Variants in HERPUD2 observed in about 807,000 individuals in gnomAD.
HERPUD2 encodes homocysteine-responsive endoplasmic reticulum-resident ubiquitin-like domain member 2 protein.
In HERPUD2, 13 loss-of-function variants were observed where a neutral mutation model predicts 49.9. That is an observed-to-expected ratio of 0.26 (90% CI 0.17 to 0.41). HERPUD2 has a LOEUF of 0.41. Ranked by LOEUF, HERPUD2 falls within the 10% of genes least tolerant of loss-of-function variation. The probability of loss-of-function intolerance (pLI) is 1.00; values close to 1 mark genes in which losing one functional copy is unlikely to be tolerated. For missense variants in HERPUD2, 449 were observed against 492.2 expected, an observed-to-expected ratio of 0.91 and a Z score of 0.83; for synonymous variants, 172 against 171.4, an observed-to-expected ratio of 1.00 and a Z score of -0.03.
chr7:35,643,782 T>C (rs1785004986), intron 5 of HERPUD2, among the ~76,000 whole-genome samples: 1 of 151,356 alleles, frequency 6.6e-6, no homozygotes, highest in Non-Finnish European at 1.5e-5. Flanking sequence ...ACACTAATAA[T>C]GTTTTATGTA....
At position 35,694,525 on chromosome 7, in the gene HERPUD2, C is replaced by A; in HGVS notation, c.-195G>T. The A allele has an allele frequency of 1.7e-6, 1 of 603,798 alleles. No individual in the cohort carries two copies. The highest frequency in any genetic ancestry group is 2.9e-6 in the Non-Finnish European group (1 of 345,896). The allele number at this position is 603,798 out of a possible 1,614,324, so 37.4% of individuals were successfully genotyped here. On this transcript the variant is annotated 5_prime_UTR_variant, in exon 2 of 9. Transcript: ENST00000311350. ...GGATGGACTGAGGTGGTGGCGACTGCGACGGTGGGGTCTGGGTGCCCGGCC... is the reference window on the plus strand; with the variant it reads ...GGATGGACTGAGGTGGTGGCGACTGAGACGGTGGGGTCTGGGTGCCCGGCC...
intron 2 of HERPUD2, among the ~76,000 whole-genome samples, chr7:35,677,145 G>C (rs939025954): frequency 4.6e-5 from 7 of 152,092 alleles, no homozygotes; most frequent in African/African-American, 1.2e-4. Context: ...ATTTTGGATT[G>C]CCCTTACAAT....
At chr7:35,636,909 G>A in intron 6 of HERPUD2, among the ~76,000 whole-genome samples, 1 of 152,116 alleles carries the variant, frequency 6.6e-6, no homozygotes, top group East Asian at 1.9e-4. Context: ...CAGGCAGATG[G>A]ATCCCTTGAG....
At chr7:35,668,133 T>C (rs1785575238) in intron 4 of HERPUD2, among the ~76,000 whole-genome samples, 1 of 152,200 alleles carries the variant, frequency 6.6e-6, no homozygotes, top group Admixed American at 6.5e-5. Context: ...ACAAGAGTTA[T>C]AACCTTAAAG....
At chr7:35,688,172 T>C (rs750874525) in intron 2 of HERPUD2, among the ~76,000 whole-genome samples, 6 of 152,138 alleles carry the variant, frequency 3.9e-5, no homozygotes, top group Non-Finnish European at 8.8e-5. Flanking sequence ...CAAAATATCA[T>C]TTCTGTGGGA....
chr7:35,693,029 G>A (rs1221114248), intron 2 of HERPUD2, among the ~76,000 whole-genome samples: 1 of 152,140 alleles, frequency 6.6e-6, no homozygotes, highest in Non-Finnish European at 1.5e-5. Flanking sequence ...AATAAAAAAT[G>A]TATACAGTGG....
chr7:35,687,503 ACT>A (rs1364158390), intron 2 of HERPUD2, among the ~76,000 whole-genome samples: 6 of 152,222 alleles, frequency 3.9e-5, no homozygotes, highest in African/African-American at 1.4e-4. Flanking sequence ...ATCCTGATGT[ACT>A]CTGAGTGGCC....
chr7:35,691,438 A>G (rs1403647188), intron 2 of HERPUD2, among the ~76,000 whole-genome samples: 2 of 152,190 alleles, frequency 1.3e-5, no homozygotes, highest in Non-Finnish European at 1.5e-5. Context: ...ATTTTCCTAG[A>G]AGCCACTGCC....
intron 5 of HERPUD2, among the ~76,000 whole-genome samples, chr7:35,657,260 A>C: frequency 6.6e-6 from 1 of 152,190 alleles, no homozygotes; most frequent in East Asian, 1.9e-4. Flanking sequence ...TATGAAAAAA[A>C]TGCTCAACAT....
intron 2 of HERPUD2, among the ~76,000 whole-genome samples, chr7:35,674,396 TATATATATAGAGAGAGAGAGAGAGAGAG>T (rs1242089733): frequency 5.0e-5 from 3 of 59,706 alleles, no homozygotes; most frequent in South Asian, 1.3e-3. Flanking sequence ...TATATATATA[TATATATATAGAGAGAGAGAGAGAGAGAG>T]AGAGAGAGAG....
At chr7:35,662,072 T>G (rs1217817252) in intron 5 of HERPUD2, among the ~76,000 whole-genome samples, 2 of 151,992 alleles carry the variant, frequency 1.3e-5, no homozygotes, top group Non-Finnish European at 2.9e-5. Context: ...TTATTGAGAG[T>G]TTTTAGCATG....
rs1786272468 is a variant in HERPUD2, at chr7:35,694,507, C to T, written c.-177G>A. On this transcript the variant is annotated 5_prime_UTR_variant, in exon 2 of 9. Transcript: ENST00000311350. ...GCCCATTGCCGGTACCAAGGATGGA[C>T]TGAGGTGGTGGCGACTGCGACGGTG... 7.6e-6 allele frequency: 5 copies of T among 655,690 alleles called. No homozygotes were observed. The highest frequency in any genetic ancestry group is 1.3e-5 in the Non-Finnish European group (5 of 385,940). The allele number at this position is 655,690 out of a possible 1,614,324, so 40.6% of individuals were successfully genotyped here.
intron 5 of HERPUD2, among the ~76,000 whole-genome samples, chr7:35,656,402 CCAAAG>C (rs1785275868): frequency 1.3e-5 from 2 of 151,802 alleles, no homozygotes; most frequent in African/African-American, 2.4e-5. Context: ...ACCATATTAC[CCAAAG>C]CAATCTATAA....
chr7:35,659,780 T>A (rs1785369666), intron 5 of HERPUD2, among the ~76,000 whole-genome samples: 1 of 152,218 alleles, frequency 6.6e-6, no homozygotes, highest in Non-Finnish European at 1.5e-5. Context: ...AGCTCAAATA[T>A]CTTTGTTGCT....
At chr7:35,662,231 A>T (rs1785440563) in intron 5 of HERPUD2, among the ~76,000 whole-genome samples, 1 of 152,168 alleles carries the variant, frequency 6.6e-6, no homozygotes, top group Admixed American at 6.5e-5. Flanking sequence ...AACTGACTTG[A>T]TCGTGGTGGA....
At chr7:35,686,956 A>G (rs1302675130) in intron 2 of HERPUD2, among the ~76,000 whole-genome samples, 1 of 150,828 alleles carries the variant, frequency 6.6e-6, no homozygotes, top group Non-Finnish European at 1.5e-5. Context: ...GCTACTGAGG[A>G]GGCTGAGGCA....
chr7:35,685,235 C>CAAA (rs768006907), intron 2 of HERPUD2, among the ~76,000 whole-genome samples: 25 of 118,180 alleles, frequency 2.1e-4, no homozygotes, highest in African/African-American at 7.8e-4. Context: ...GAGACTGTCT[C>CAAA]AAAAAAAAAA....
chr7:35,637,475 G>C (rs1345588448), intron 6 of HERPUD2, among the ~76,000 whole-genome samples: 1 of 152,120 alleles, frequency 6.6e-6, no homozygotes, highest in Admixed American at 6.5e-5. Context: ...AAAGGAGAAG[G>C]CACTTAAAGA....
intron 2 of HERPUD2, 105 bp from the exon 3 acceptor site, chr7:35,673,383 C>T (rs567455461): frequency 1.3e-6 from 1 of 777,592 alleles, no homozygotes; most frequent in Non-Finnish European, 2.1e-6. Flanking sequence ...CCTTTAGGCA[C>T]AAGTAAGCAG....
Sources: allele counts gnomAD v4.1 joint callset (sites outside exome capture counted in the v4.1 genomes callset), GRCh38; gene constraint gnomAD v4.1.1; transcripts MANE v1.5; gene names NCBI Gene and HGNC (gene_info 2026-07-23, HGNC 2026-07-21).